Variants in BTBD9 observed in about 807,000 individuals in gnomAD.
BTBD9 encodes the protein BTB domain containing 9.
Under a neutral mutation model 64.3 loss-of-function variants are expected in BTBD9, and 49 were observed. The ratio of observed to expected loss-of-function variants is 0.76; its 90% CI spans 0.61 to 0.97. BTBD9 has a LOEUF of 0.97. BTBD9 is among the 50% of genes least tolerant of loss of function. BTBD9 has a pLI of 0.00. For synonymous variants in BTBD9, 260 were observed against 274.7 expected, an observed-to-expected ratio of 0.95 and a Z score of 0.53; for missense variants, 598 against 762.1, an observed-to-expected ratio of 0.78 and a Z score of 2.53.
chr6:38,592,924 A>G (rs1421289444), intron 3 of BTBD9, 84 bp from the exon 4 acceptor site: 3 of 1,405,052 alleles, frequency 2.1e-6, no homozygotes, highest in Non-Finnish European at 2.9e-6. Flanking sequence ...CAGGACAAGT[A>G]TAACTTAGCC....
intron 10 of BTBD9, among the ~76,000 whole-genome samples, chr6:38,182,217 A>T (rs1309026767): frequency 2.0e-5 from 3 of 152,138 alleles, no homozygotes; most frequent in Non-Finnish European, 2.9e-5. Context: ...ATAGGCCAGG[A>T]TATCCACAGA....
At chr6:38,176,905 G>A (rs1247277646) in intron 10 of BTBD9, among the ~76,000 whole-genome samples, 2 of 152,176 alleles carry the variant, frequency 1.3e-5, no homozygotes, top group East Asian at 1.9e-4. Flanking sequence ...AGGCTCTGCG[G>A]GGCCAGGACA....
intron 6 of BTBD9, among the ~76,000 whole-genome samples, chr6:38,389,552 T>G (rs1766323276): frequency 1.3e-5 from 2 of 152,342 alleles, no homozygotes; most frequent in South Asian, 4.1e-4. Flanking sequence ...CTTCATGGTA[T>G]GCAAATATTT....
At chr6:38,494,074 G>GA (rs1771825202) in intron 6 of BTBD9, among the ~76,000 whole-genome samples, 1 of 152,106 alleles carries the variant, frequency 6.6e-6, no homozygotes, top group Non-Finnish European at 1.5e-5. Flanking sequence ...TTACTGAGAA[G>GA]AAAAAATGAA....
intron 9 of BTBD9, among the ~76,000 whole-genome samples, chr6:38,215,908 G>A (rs1232760098): frequency 2.6e-5 from 4 of 152,082 alleles, no homozygotes; most frequent in Admixed American, 1.3e-4. Flanking sequence ...CCCCACCTGC[G>A]CCCCCCACAC....
At chr6:38,465,834 C>T (rs1199125369) in intron 6 of BTBD9, among the ~76,000 whole-genome samples, 20 of 69,606 alleles carry the variant, frequency 2.9e-4, no homozygotes, top group South Asian at 8.7e-4. Context: ...TTCTTTTTTC[C>T]TTTTTTTTTT....
intron 9 of BTBD9, among the ~76,000 whole-genome samples, chr6:38,225,696 T>C (rs1461608391): frequency 1.3e-5 from 2 of 152,142 alleles, no homozygotes; most frequent in African/African-American, 4.8e-5. Flanking sequence ...CAACTCTAGC[T>C]TGGCTGGAAA....
chr6:38,171,536 C>A lies in BTBD9; in HGVS notation c.*3449G>T, dbSNP rs1236663970. 1 of 137,298 alleles carries A rather than the reference C, an allele frequency of 7.3e-6. No homozygotes were observed. Among genetic ancestry groups the A allele is most frequent in the Non-Finnish European group, 1.5e-5 (1 of 66,132 alleles). The allele number at this position is 137,298 out of a possible 1,614,324, so 8.5% of individuals were successfully genotyped here. A position where few individuals can be genotyped will look rare whatever the true frequency, so the allele number is the denominator to read the frequency against. On this transcript the variant is annotated 3_prime_UTR_variant, in exon 11 of 11. Transcript: ENST00000481247. ...CAAAGGAATGAAAGCAGAAAAAGCA[C>A]TGAGAAAATGGTAAAACGGGTGTGT... is the stretch of plus-strand genomic sequence containing the variant.
rs70981555 is a variant in BTBD9 at position 38,487,592 on chromosome 6, CGAGAGAGAGA to C, written c.1154+89998_1154+90007del. 8.4e-4 allele frequency among the ~76,000 whole-genome samples: 103 copies of C among 122,830 alleles called. 1 individual carries two copies. The highest frequency in any genetic ancestry group is 2.3e-3 in the African/African-American group (74 of 32,380). 80.6% of individuals were successfully genotyped at this position (122,830 alleles called of 152,430 possible). A position where few individuals can be genotyped will look rare whatever the true frequency, so the allele number is the denominator to read the frequency against. On this transcript the variant is annotated intron_variant, in intron 6 of 10. Coordinates refer to ENST00000481247, the MANE Select transcript of BTBD9 (RefSeq NM_001099272.2). ...GCGAGAGAGACAGAGAGAGAGTCAG[CGAGAGAGAGA>C]GAGAGAGAGAGAGAGAGAGAGAAGG...
intron 5 of BTBD9, among the ~76,000 whole-genome samples, chr6:38,579,436 G>A (rs1168234891): frequency 1.3e-5 from 2 of 152,204 alleles, no homozygotes; most frequent in African/African-American, 4.8e-5. Context: ...TTCAGTTCTT[G>A]TCACTCATAC....
At chr6:38,501,235 G>A (rs1181482838) in intron 6 of BTBD9, among the ~76,000 whole-genome samples, 1 of 152,124 alleles carries the variant, frequency 6.6e-6, no homozygotes, top group Non-Finnish European at 1.5e-5. Context: ...AAGCATCCAA[G>A]ATCCTCCAGA....
At chr6:38,421,641 A>G (rs1189096274) in intron 6 of BTBD9, among the ~76,000 whole-genome samples, 1 of 152,210 alleles carries the variant, frequency 6.6e-6, no homozygotes, top group Non-Finnish European at 1.5e-5. Flanking sequence ...GCTAGTCATA[A>G]TCATCCTCTA....
At chr6:38,277,142 G>T (rs547380795) in intron 8 of BTBD9, among the ~76,000 whole-genome samples, 5 of 152,144 alleles carry the variant, frequency 3.3e-5, no homozygotes, top group African/African-American at 1.2e-4. Context: ...ATCGTGGCAT[G>T]AATTATCACT....
chr6:38,372,785 T>G (rs1249759813), intron 6 of BTBD9, among the ~76,000 whole-genome samples: 1 of 152,184 alleles, frequency 6.6e-6, no homozygotes, highest in African/African-American at 2.4e-5. Context: ...TCTGACACAA[T>G]TTCTACCTCT....
intron 9 of BTBD9, among the ~76,000 whole-genome samples, chr6:38,196,118 C>G (rs970598941): frequency 6.6e-6 from 1 of 152,330 alleles, no homozygotes; most frequent in East Asian, 1.9e-4. Context: ...AGGCTTTACT[C>G]CTGGTCTTTC....
chr6:38,616,278 C>G (rs1200574824), intron 1 of BTBD9, among the ~76,000 whole-genome samples: 1 of 152,188 alleles, frequency 6.6e-6, no homozygotes, highest in South Asian at 2.1e-4. Context: ...CCTGCTGACA[C>G]TTTGATTTCA....
At chr6:38,194,802 A>C (rs1762219186) in intron 9 of BTBD9, among the ~76,000 whole-genome samples, 1 of 152,026 alleles carries the variant, frequency 6.6e-6, no homozygotes, top group Non-Finnish European at 1.5e-5. Context: ...TCCCTACGTC[A>C]GTCTGGGCTC....
intron 10 of BTBD9, among the ~76,000 whole-genome samples, chr6:38,182,839 G>C (rs781144329): frequency 2.6e-5 from 4 of 152,168 alleles, no homozygotes; most frequent in Non-Finnish European, 5.9e-5. Flanking sequence ...AATTATTGTT[G>C]CTCCAATATG....
intron 6 of BTBD9, among the ~76,000 whole-genome samples, chr6:38,532,336 C>T (rs1355717742): frequency 6.6e-6 from 1 of 152,120 alleles, no homozygotes; most frequent in African/African-American, 2.4e-5. Context: ...TCTCTGGGAT[C>T]CTAAATAAAC....
Sources: gnomAD v4.1 joint callset for allele counts (sites outside exome capture counted in the v4.1 genomes callset) on GRCh38, gnomAD v4.1.1 for gene constraint, MANE v1.5 for transcripts, NCBI Gene and HGNC (gene_info 2026-07-23, HGNC 2026-07-21) for gene names.